Variants in AKAP6 observed in about 807,000 individuals in gnomAD.
The protein encoded by AKAP6 is A-kinase anchoring protein 6.
Under a neutral mutation model 188.5 loss-of-function variants are expected in AKAP6, and 58 were observed. The observed-to-expected ratio is 0.31, with a 90% CI of 0.25 to 0.38. The LOEUF is 0.38. AKAP6 is among the 10% of genes least tolerant of loss of function. The pLI is 1.00. For synonymous variants in AKAP6, 989 were observed against 998.6 expected, an observed-to-expected ratio of 0.99 and a Z score of 0.18; for missense variants, 2,710 against 2,740.0, an observed-to-expected ratio of 0.99 and a Z score of 0.24.
intron 2 of AKAP6, among the ~76,000 whole-genome samples, chr14:32,480,470 T>C (rs1347332885): frequency 6.6e-6 from 1 of 152,184 alleles, no homozygotes; most frequent in Non-Finnish European, 1.5e-5. Flanking sequence ...GATGAAGGTG[T>C]CCATTCATGG....
At chr14:32,365,830 G>C (rs1014251187) in intron 1 of AKAP6, among the ~76,000 whole-genome samples, 7 of 152,102 alleles carry the variant, frequency 4.6e-5, no homozygotes, top group Non-Finnish European at 5.9e-5. Flanking sequence ...GAACATCTCA[G>C]CTTCCTGGCT....
intron 2 of AKAP6, among the ~76,000 whole-genome samples, chr14:32,491,428 G>A (rs916631118): frequency 3.9e-5 from 6 of 152,048 alleles, no homozygotes; most frequent in South Asian, 2.1e-4. Context: ...TACAAATCTC[G>A]CTCAAACTTT....
rs1378793050 is a variant in AKAP6 at position 32,800,055 on chromosome 14, C to CTATATATATA, written c.3589-21346_3589-21345insATATATATAT. Among the ~76,000 whole-genome samples, 153 of 108,012 alleles carry CTATATATATA rather than the reference C, an allele frequency of 1.4e-3. 2 individuals carry two copies. The highest frequency in any genetic ancestry group is 1.9e-3 in the African/African-American group (52 of 28,058). The allele number at this position is 108,012 out of a possible 152,430, so 70.9% of individuals were successfully genotyped here. On this transcript the variant is annotated intron_variant, in intron 12 of 13. Coordinates refer to ENST00000280979, the MANE Select transcript of AKAP6 (RefSeq NM_004274.5). Reference sequence around the variant, plus strand: ...CAAAACCCTGTCTCTCTCTCTCTCTCTCTCTCTATATATATAGAAATATAT... The same window carrying CTATATATATA: ...CAAAACCCTGTCTCTCTCTCTCTCTCTATATATATATCTCTCTATATATATAGAAATATAT...
At position 32,606,777 on chromosome 14, in the gene AKAP6, G is replaced by C. The variant is rs184699788; in HGVS notation, c.2730+5985G>C. ...ATTGAAGTCATCTTCCTTTGGAAAT[G>C]GATATCAGACTATGAAGGTCATCAA... On this transcript the variant is annotated intron_variant, in intron 7 of 13. Transcript: ENST00000280979. Among the ~76,000 whole-genome samples, 151 of 152,206 alleles carry C rather than the reference G, an allele frequency of 9.9e-4. 4 individuals carry two copies. The highest frequency in any genetic ancestry group is 2.9e-4 in the Non-Finnish European group (20 of 67,996).
chr14:32,474,018 C>T (rs1878923408), intron 2 of AKAP6: 1 of 152,380 alleles, frequency 6.6e-6, no homozygotes, highest in African/African-American at 2.4e-5. Flanking sequence ...CTGCCTCAGC[C>T]TCTCAAGTAG....
At chr14:32,819,220 G>A (rs2034459761) in intron 12 of AKAP6, among the ~76,000 whole-genome samples, 1 of 152,122 alleles carries the variant, frequency 6.6e-6, no homozygotes, top group Non-Finnish European at 1.5e-5. Flanking sequence ...TTAATGTTTA[G>A]CTTGTAACTG....
intron 1 of AKAP6, among the ~76,000 whole-genome samples, chr14:32,383,815 C>T (rs779529465): frequency 7.2e-5 from 11 of 152,240 alleles, no homozygotes; most frequent in South Asian, 2.1e-4. Flanking sequence ...ACTCAAGAAA[C>T]GGTCATCATC....
chr14:32,479,633 T>G (rs907129072), intron 2 of AKAP6, among the ~76,000 whole-genome samples: 1 of 152,200 alleles, frequency 6.6e-6, no homozygotes, highest in Admixed American at 6.5e-5. Flanking sequence ...TATGAATGTT[T>G]GTGTCCCCCT....
At chr14:32,752,774 C>T (rs544225725) in intron 11 of AKAP6, among the ~76,000 whole-genome samples, 4 of 152,260 alleles carry the variant, frequency 2.6e-5, no homozygotes, top group East Asian at 1.9e-4. Context: ...AATGAGATCA[C>T]GCAGTATTTG....
intron 11 of AKAP6, among the ~76,000 whole-genome samples, chr14:32,748,948 G>A (rs182284474): frequency 0.017 from 2,522 of 152,088 alleles, 63 homozygotes; most frequent in African/African-American, 0.057. Context: ...ACACACAAGT[G>A]TACACACACA....
intron 1 of AKAP6, among the ~76,000 whole-genome samples, chr14:32,344,915 T>TAAAA (rs11297648): frequency 2.8e-5 from 3 of 105,464 alleles, no homozygotes; most frequent in African/African-American, 3.8e-5. Context: ...GACTCTGTCT[T>TAAAA]AAAAAAAAAA....
At chr14:32,370,213 T>C (rs911513897) in intron 1 of AKAP6, among the ~76,000 whole-genome samples, 3 of 152,162 alleles carry the variant, frequency 2.0e-5, no homozygotes, top group African/African-American at 7.2e-5. Context: ...AGAAAGACTG[T>C]CCACAAATTA....
intron 11 of AKAP6, among the ~76,000 whole-genome samples, chr14:32,763,529 G>A (rs1039224547): frequency 5.3e-5 from 8 of 152,096 alleles, no homozygotes; most frequent in Non-Finnish European, 1.2e-4. Context: ...AGTATATGAT[G>A]TATGTTATGT....
rs1434189345 is a variant in AKAP6 at position 32,401,698 on chromosome 14, A to T, written c.-34-31762A>T. Among the ~76,000 whole-genome samples, 5 of 152,334 alleles carry T rather than the reference A, an allele frequency of 3.3e-5. No individual in the cohort carries two copies. The East Asian group carries it at 9.6e-4, about 29-fold the overall frequency. On this transcript the variant is annotated intron_variant, in intron 1 of 13. Coordinates refer to ENST00000280979, the MANE Select transcript of AKAP6 (RefSeq NM_004274.5). ...GTTTTCTGGCAACCCTAGCTAATTA[A>T]TAACTTAATCTGTCTCTCCTTAGAC...
At chr14:32,816,639 T>G (rs1164354788) in intron 12 of AKAP6, among the ~76,000 whole-genome samples, 2 of 152,200 alleles carry the variant, frequency 1.3e-5, no homozygotes, top group Non-Finnish European at 2.9e-5. Flanking sequence ...GCATTTCCCC[T>G]AGTTTAAATT....
chr14:32,420,738 C>T (rs1218988811), intron 1 of AKAP6, among the ~76,000 whole-genome samples: 1 of 152,068 alleles, frequency 6.6e-6, no homozygotes, highest in Non-Finnish European at 1.5e-5. Context: ...GGACTGGAAG[C>T]CCTTCTTGCC....
intron 7 of AKAP6, among the ~76,000 whole-genome samples, chr14:32,609,857 TC>T: frequency 8.6e-6 from 1 of 115,750 alleles, no homozygotes; most frequent in South Asian, 2.5e-4. Flanking sequence ...ATTCATGAGG[TC>T]TCTCTCTCTC....
At chr14:32,756,725 G>C (rs755501005) in intron 11 of AKAP6, among the ~76,000 whole-genome samples, 13 of 152,180 alleles carry the variant, frequency 8.5e-5, no homozygotes, top group Non-Finnish European at 1.8e-4. Context: ...AGGCCTCCAA[G>C]GCTGGTTCCC....
chr14:32,571,273 C>T (rs534339644), intron 4 of AKAP6, among the ~76,000 whole-genome samples: 42 of 151,226 alleles, frequency 2.8e-4, no homozygotes, highest in African/African-American at 9.7e-4. Context: ...CCTGTGATAC[C>T]TTTGCTTTGG....
Sources: allele counts gnomAD v4.1 joint callset (sites outside exome capture counted in the v4.1 genomes callset), GRCh38; gene constraint gnomAD v4.1.1; transcripts MANE v1.5; gene names NCBI Gene and HGNC (gene_info 2026-07-23, HGNC 2026-07-21).